VPS13B: variants seen among roughly 807,000 people sequenced by gnomAD.
The protein encoded by VPS13B is vacuolar protein sorting 13 homolog B.
Under a neutral mutation model 426.4 loss-of-function variants are expected in VPS13B, and 285 were observed. The observed-to-expected ratio is 0.67, with a 90% CI of 0.61 to 0.74. The LOEUF (loss-of-function observed/expected upper bound fraction) is 0.74, where lower values mean the gene tolerates loss of function less well. Among genes scored for constraint, VPS13B ranks in the 30% least tolerant of loss-of-function variants. VPS13B has a pLI of 0.00. For missense variants in VPS13B, 4,537 were observed against 4,782.6 expected, an observed-to-expected ratio of 0.95 and a Z score of 1.51; for synonymous variants, 1,676 against 1,676.4, an observed-to-expected ratio of 1.00 and a Z score of 0.01.
intron 19 of VPS13B, among the ~76,000 whole-genome samples, chr8:99,380,461 G>A (rs1351251002): frequency 6.6e-6 from 1 of 151,954 alleles, no homozygotes; most frequent in Non-Finnish European, 1.5e-5. Flanking sequence ...TCTGACATCT[G>A]CTTGAGTGAA....
At chr8:99,013,709 C>A in intron 1 of VPS13B, 51 bp from the exon 2 acceptor site, 1 of 1,574,142 alleles carries the variant, frequency 6.4e-7, no homozygotes, top group Non-Finnish European at 8.7e-7. Flanking sequence ...AACGAACGCT[C>A]TTTCCTTCAC....
chr8:99,691,489 T>C (rs911078228), intron 35 of VPS13B, among the ~76,000 whole-genome samples: 67 of 152,038 alleles, frequency 4.4e-4, no homozygotes, highest in South Asian at 8.3e-4. Context: ...CACGGGTGAC[T>C]CAAGTTTCTG....
intron 36 of VPS13B, among the ~76,000 whole-genome samples, chr8:99,701,297 G>T (rs540439019): frequency 6.6e-6 from 1 of 152,108 alleles, no homozygotes; most frequent in Non-Finnish European, 1.5e-5. Context: ...GACAACACTA[G>T]GTCTGTTCCC....
chr8:99,663,609 G>A (rs188645497), intron 35 of VPS13B, among the ~76,000 whole-genome samples: 2 of 152,260 alleles, frequency 1.3e-5, no homozygotes, highest in Non-Finnish European at 2.9e-5. Context: ...GTGATACAGG[G>A]CCTTTTTATT....
rs547565867 is a variant in VPS13B, at chr8:99,403,183, A to G, written c.3082+11479A>G. On this transcript the variant is annotated intron_variant, in intron 21 of 61. Transcript: ENST00000357162. ...TGTTGGTTTAACCTTCTCTTACTGA[A>G]CACAGATTTCTTGACAGTTTTGTAC... Among the ~76,000 whole-genome samples, 109 of 152,276 alleles carry G rather than the reference A, an allele frequency of 7.2e-4. 1 individual carries two copies. The Middle Eastern group carries it at 0.01, about 14-fold the overall frequency.
intron 54 of VPS13B, among the ~76,000 whole-genome samples, chr8:99,836,626 T>C (rs1815405679): frequency 6.6e-6 from 1 of 152,226 alleles, no homozygotes. Flanking sequence ...GTGAATAATA[T>C]TGTGCCATAC....
At chr8:99,598,460 A>G (rs1827124964) in intron 33 of VPS13B, among the ~76,000 whole-genome samples, 1 of 152,066 alleles carries the variant, frequency 6.6e-6, no homozygotes, top group South Asian at 2.1e-4. Flanking sequence ...TGCAGTAATT[A>G]TTCATTTATT....
At chr8:99,046,195 T>A (rs896687307) in intron 3 of VPS13B, among the ~76,000 whole-genome samples, 3 of 152,196 alleles carry the variant, frequency 2.0e-5, no homozygotes, top group African/African-American at 7.2e-5. Flanking sequence ...TGTGTTTCCA[T>A]TTGTGTCATC....
chr8:99,712,934 A>G (rs542349653), intron 36 of VPS13B, among the ~76,000 whole-genome samples: 1 of 152,224 alleles, frequency 6.6e-6, no homozygotes, highest in South Asian at 2.1e-4. Context: ...GCCTTCCATC[A>G]ACTCTACTTA....
intron 16 of VPS13B, among the ~76,000 whole-genome samples, chr8:99,188,131 T>C (rs990323501): frequency 6.7e-6 from 1 of 149,448 alleles, no homozygotes; most frequent in African/African-American, 2.5e-5. Flanking sequence ...TCTAATACTT[T>C]AGGGACCTAG....
chr8:99,696,948 G>T (rs1832035201), intron 35 of VPS13B: 2 of 677,258 alleles, frequency 3.0e-6, no homozygotes, highest in East Asian at 2.9e-5. Context: ...TTGCTGAGGA[G>T]GGGTGGACAA....
chr8:99,710,738 T>C (rs925071648), intron 36 of VPS13B, among the ~76,000 whole-genome samples: 4 of 151,036 alleles, frequency 2.6e-5, no homozygotes, highest in African/African-American at 7.3e-5. Context: ...ACGCCTGTGA[T>C]CCCAGCACTT....
intron 43 of VPS13B, among the ~76,000 whole-genome samples, chr8:99,794,794 CA>C (rs1812725670): frequency 6.6e-6 from 1 of 152,186 alleles, no homozygotes; most frequent in Non-Finnish European, 1.5e-5. Context: ...ACAAAATTAA[CA>C]CCCATGTATC....
chr8:99,134,673 G>T lies in VPS13B; in HGVS notation c.1248G>T (p.Gln416His), dbSNP rs143024324. ...TTGAGAGTAGTTATTACAGTCCACA[G>T]AAAGTAAAATCTAAAGAAGTATTGT... ...MQVESSYYSP[Q>H]KVKSKEVLCW... The change falls in exon 9 of 62, where the codon CAG becomes CAT. Residue 416 changes from glutamine to histidine, a missense_variant. By Grantham distance (24) the Gln-to-His change is conservative (BLOSUM62 0). Transcript: ENST00000357162. 1.5e-3 allele frequency: 2,391 copies of T among 1,610,354 alleles called. 3 individuals are homozygous for T. The highest frequency in any genetic ancestry group is 1.6e-3 in the Non-Finnish European group (1,940 of 1,178,006).
intron 5 of VPS13B, among the ~76,000 whole-genome samples, chr8:99,106,571 T>A (rs1401414314): frequency 3.3e-5 from 5 of 151,686 alleles, no homozygotes; most frequent in Admixed American, 2.6e-4. Context: ...CACCCAGAAG[T>A]GCTTGTTGTA....
intron 25 of VPS13B, among the ~76,000 whole-genome samples, chr8:99,488,641 A>G (rs1465915263): frequency 6.6e-6 from 1 of 152,192 alleles, no homozygotes; most frequent in East Asian, 1.9e-4. Context: ...TTTATATACT[A>G]GAAAATTGAA....
Position 99,832,443 on chromosome 8 carries a change from C to T in VPS13B, c.9405C>T (p.Ser3135=). The change falls in exon 52 of 62, where the codon TCC becomes TCT. Residue 3135 remains serine (S), a synonymous_variant. Transcript: ENST00000357162. The part of the protein sequence containing the change: ...GGEQPAMKSS[S]LPCWDLMPDI... ...AGCAGCCTGCTATGAAATCCAGCTCCCTTCCTTGCTGGGACTTGATGCCTG... is the reference window on the plus strand; with the variant it reads ...AGCAGCCTGCTATGAAATCCAGCTCTCTTCCTTGCTGGGACTTGATGCCTG... 6.2e-7 allele frequency: 1 copy of T among 1,606,840 alleles called. No individual in the cohort carries two copies. Among genetic ancestry groups the T allele is most frequent in the Non-Finnish European group, 8.5e-7 (1 of 1,177,452 alleles).
At chr8:99,865,939 A>G (rs1383309515) in intron 58 of VPS13B, among the ~76,000 whole-genome samples, 1 of 152,222 alleles carries the variant, frequency 6.6e-6, no homozygotes, top group Non-Finnish European at 1.5e-5. Flanking sequence ...AGGTAAGGGA[A>G]GGCCTGGTGG....
Position 99,306,892 on chromosome 8 carries a change from C to A in VPS13B, c.2824+31638C>A, listed in dbSNP as rs1308485890. Among the ~76,000 whole-genome samples the A allele has an allele frequency of 2.0e-5, 3 of 152,136 alleles. No homozygotes were observed. The East Asian group carries it at 5.8e-4, about 29-fold the overall frequency. ...TGATTAACTGACAGTTTATTGACTT[C>A]ATCCTCAGGGCCAATTTAAAGAAAA... On this transcript the variant is annotated intron_variant, in intron 19 of 61. Transcript: ENST00000357162.
Sources: allele counts gnomAD v4.1 joint callset (sites outside exome capture counted in the v4.1 genomes callset), GRCh38; gene constraint gnomAD v4.1.1; transcripts MANE v1.5; gene names NCBI Gene and HGNC (gene_info 2026-07-23, HGNC 2026-07-21).